The following HS3ST5 variants were observed in gnomAD, a reference collection of about 807,000 sequenced individuals.
The protein encoded by HS3ST5 is heparan sulfate-glucosamine 3-sulfotransferase 5.
A neutral mutation model predicts 25.4 loss-of-function variants in HS3ST5; 10 were observed. That is an observed-to-expected ratio of 0.39 (90% CI 0.24 to 0.67). The LOEUF (loss-of-function observed/expected upper bound fraction) is 0.67. Ranked by LOEUF, HS3ST5 falls within the 30% of genes least tolerant of loss-of-function variation. The probability of loss-of-function intolerance (pLI) is 0.44; values close to 1 mark genes in which losing one functional copy is unlikely to be tolerated. For missense variants in HS3ST5, 324 were observed against 420.7 expected (o/e 0.77, Z 2.01); for synonymous variants, 170 against 162.4 (o/e 1.05, Z -0.36).
intron 2 of HS3ST5, among the ~76,000 whole-genome samples, chr6:114,203,504 G>A (rs747997115): frequency 6.6e-6 from 1 of 152,082 alleles, no homozygotes. Context: ...TTCCCCAGTC[G>A]CTCCTATAGA....
intron 1 of HS3ST5, among the ~76,000 whole-genome samples, chr6:114,320,972 A>G (rs553603649): frequency 1.3e-5 from 2 of 150,662 alleles, no homozygotes; most frequent in Non-Finnish European, 3.0e-5. Context: ...CTAGGTTGCC[A>G]AGGCTAGTCT....
intron 2 of HS3ST5, chr6:114,178,957 A>C (rs1779844292): frequency 1.3e-5 from 2 of 152,094 alleles, no homozygotes; most frequent in African/African-American, 4.8e-5. Flanking sequence ...AAAAAGGAAA[A>C]CAGTAATACC....
In HS3ST5 at chr6:114,058,115, C is replaced by T. The variant is rs1582548293; in HGVS notation, c.183G>A (p.Leu61=). Residue 61 remains leucine, a synonymous_variant, in exon 5 of 5, where the codon CTG becomes CTA. Coordinates refer to ENST00000312719, the MANE Select transcript of HS3ST5 (RefSeq NM_153612.4). The part of the protein sequence containing the change: ...RTQAEFPLRA[L]QFKRGLLHEF... ...CGTGCAGCAGGCCACGCTTAAACTG[C>T]AGGGCGCGAAGTGGGAATTCAGCCT... 1.2e-6 allele frequency: 2 copies of T among 1,614,040 alleles called. No individual in the cohort carries two copies. The highest frequency in any genetic ancestry group is 2.2e-5 in the East Asian group (1 of 44,878).
Position 114,264,943 on chromosome 6 carries a change from G to A in HS3ST5, c.-338-36165C>T, listed in dbSNP as rs180865908. Among the ~76,000 whole-genome samples, 5 of 152,264 alleles carry A rather than the reference G, an allele frequency of 3.3e-5. No individual in the cohort carries two copies. In the East Asian group the frequency reaches 9.7e-4, roughly 29 times the overall value. On this transcript the variant is annotated intron_variant, in intron 1 of 4. Transcript: ENST00000312719. ...CACCCAGGCTGGAATGCGGTGACAC[G>A]ATCATAGCTCACTGCAGCTTTGAAC...
At chr6:114,135,340 T>C (rs1370978460) in intron 3 of HS3ST5, among the ~76,000 whole-genome samples, 4 of 152,216 alleles carry the variant, frequency 2.6e-5, no homozygotes, top group Non-Finnish European at 5.9e-5. Flanking sequence ...AAACAGGGTT[T>C]TCTGGGGGCA....
chr6:114,110,626 G>A (rs1430888917), intron 3 of HS3ST5, among the ~76,000 whole-genome samples: 1 of 152,186 alleles, frequency 6.6e-6, no homozygotes, highest in Non-Finnish European at 1.5e-5. Flanking sequence ...AGGACTTTCT[G>A]TGGAAGAGCT....
chr6:114,081,837 C>T (rs1774466721), intron 3 of HS3ST5, among the ~76,000 whole-genome samples: 2 of 152,138 alleles, frequency 1.3e-5, no homozygotes, highest in African/African-American at 2.4e-5. Flanking sequence ...CTCACTATTC[C>T]TTTTTTATTG....
chr6:114,297,537 T>G (rs1774880358), intron 1 of HS3ST5, among the ~76,000 whole-genome samples: 1 of 152,166 alleles, frequency 6.6e-6, no homozygotes, highest in African/African-American at 2.4e-5. Context: ...ACTGTAGAGT[T>G]AGTATATATT....
intron 3 of HS3ST5, among the ~76,000 whole-genome samples, chr6:114,138,170 T>A (rs941799968): frequency 2.6e-5 from 4 of 152,178 alleles, no homozygotes; most frequent in African/African-American, 9.6e-5. Flanking sequence ...TTTACATTCA[T>A]TCATTGAACA....
chr6:114,197,389 G>A (rs368696473), intron 2 of HS3ST5, among the ~76,000 whole-genome samples: 4 of 151,956 alleles, frequency 2.6e-5, no homozygotes, highest in East Asian at 1.9e-4. Context: ...AGTCTAAAAC[G>A]TTTTCCAACT....
intron 3 of HS3ST5, among the ~76,000 whole-genome samples, chr6:114,130,631 G>A (rs927453753): frequency 2.3e-4 from 35 of 152,032 alleles, no homozygotes; most frequent in Non-Finnish European, 2.8e-4. Flanking sequence ...GTACAGTGGC[G>A]CAATCTCGGC....
intron 3 of HS3ST5, among the ~76,000 whole-genome samples, chr6:114,133,194 G>A (rs779885062): frequency 2.0e-5 from 3 of 152,036 alleles, no homozygotes; most frequent in Non-Finnish European, 4.4e-5. Flanking sequence ...GATGACAATG[G>A]GCCTGGTTCC....
intron 3 of HS3ST5, among the ~76,000 whole-genome samples, chr6:114,161,524 TATATATATA>T (rs1778952614): frequency 6.1e-5 from 1 of 16,292 alleles, no homozygotes; most frequent in Non-Finnish European, 1.1e-4. Flanking sequence ...TGAAGTTTTA[TATATATATA>T]TATATATATA....
chr6:114,342,254 G>C lies in HS3ST5; in HGVS notation c.-398C>G, dbSNP rs1415125549. 3 of 127,514 alleles carry C rather than the reference G, an allele frequency of 2.4e-5. No individual in the cohort carries two copies. The highest frequency in any genetic ancestry group is 4.1e-4 in the South Asian group (2 of 4,936). 7.9% of individuals were successfully genotyped at this position (127,514 alleles called of 1,614,324 possible). A position where few individuals can be genotyped will look rare whatever the true frequency, so the allele number is the denominator to read the frequency against. On this transcript the variant is annotated 5_prime_UTR_variant, in exon 1 of 5. Coordinates refer to ENST00000312719, the MANE Select transcript of HS3ST5 (RefSeq NM_153612.4). ...CTCAGGGCGCGGGGGTCGGCGGCGGGTCGCGTGGGGGTCACCCGGCCGCTG... is the reference window on the plus strand; with the variant it reads ...CTCAGGGCGCGGGGGTCGGCGGCGGCTCGCGTGGGGGTCACCCGGCCGCTG...
At chr6:114,142,106 T>A (rs1429019000) in intron 3 of HS3ST5, among the ~76,000 whole-genome samples, 1 of 152,148 alleles carries the variant, frequency 6.6e-6, no homozygotes, top group Non-Finnish European at 1.5e-5. Context: ...GCCTTTAAAT[T>A]TTTCCATTTG....
chr6:114,328,079 G>A lies in HS3ST5; in HGVS notation c.-339+14116C>T, dbSNP rs116498703. Among the ~76,000 whole-genome samples, 961 of 152,104 alleles carry A rather than the reference G, an allele frequency of 6.3e-3. 11 individuals are homozygous for A. Among genetic ancestry groups the A allele is most frequent in the African/African-American group, 0.022 (916 of 41,480 alleles). ...AAGCCTTCTTATTGTAAAAAAGAAT[G>A]GATGGAAATTGCAATCAATTGTAAA... On this transcript the variant is annotated intron_variant, in intron 1 of 4. Transcript: ENST00000312719.
chr6:114,266,577 A>C (rs1434940409), intron 1 of HS3ST5, among the ~76,000 whole-genome samples: 1 of 152,214 alleles, frequency 6.6e-6, no homozygotes, highest in Non-Finnish European at 1.5e-5. Flanking sequence ...TTTTTCAAAA[A>C]TTATCAGAAG....
At chr6:114,245,227 A>G (rs1271365785) in intron 1 of HS3ST5, among the ~76,000 whole-genome samples, 1 of 152,138 alleles carries the variant, frequency 6.6e-6, no homozygotes, top group Non-Finnish European at 1.5e-5. Context: ...TACAAGAAGA[A>G]AGTAGATTAA....
chr6:114,216,885 G>A (rs924808647), intron 2 of HS3ST5, among the ~76,000 whole-genome samples: 1 of 152,130 alleles, frequency 6.6e-6, no homozygotes, highest in Non-Finnish European at 1.5e-5. Context: ...AAGGATGGGA[G>A]GAAAGTTTGG....
Sources: gnomAD v4.1 joint callset for allele counts (sites outside exome capture counted in the v4.1 genomes callset) on GRCh38, gnomAD v4.1.1 for gene constraint, MANE v1.5 for transcripts, NCBI Gene and HGNC (gene_info 2026-07-23, HGNC 2026-07-21) for gene names.